Variants in GABRG3 observed in about 807,000 individuals in gnomAD.
GABRG3 encodes the protein gamma-aminobutyric acid type A receptor subunit gamma3, also known as gamma-aminobutyric acid receptor subunit gamma-3.
GABRG3 carries 25 observed loss-of-function variants against 48.8 expected under a neutral mutation model. The ratio of observed to expected loss-of-function variants is 0.51; its 90% CI spans 0.37 to 0.72. GABRG3 has a LOEUF of 0.72. GABRG3 is among the 30% of genes least tolerant of loss of function. The pLI is 0.00. For synonymous variants in GABRG3, 227 were observed against 217.6 expected, an observed-to-expected ratio of 1.04 and a Z score of -0.38; for missense variants, 394 against 577.9, an observed-to-expected ratio of 0.68 and a Z score of 3.26.
chr15:27,038,838 A>G (rs944126639), intron 3 of GABRG3, among the ~76,000 whole-genome samples: 50 of 152,148 alleles, frequency 3.3e-4, no homozygotes, highest in Non-Finnish European at 1.0e-4. Flanking sequence ...GAATGTCAGC[A>G]AAGAACTGTC....
At chr15:27,346,805 C>T (rs1450868308) in intron 5 of GABRG3, among the ~76,000 whole-genome samples, 1 of 152,096 alleles carries the variant, frequency 6.6e-6, no homozygotes, top group Non-Finnish European at 1.5e-5. Context: ...GTTTCCAGCT[C>T]TCTGTTTACA....
intron 3 of GABRG3, among the ~76,000 whole-genome samples, chr15:27,153,545 C>A (rs1048570483): frequency 6.6e-6 from 1 of 152,170 alleles, no homozygotes. Flanking sequence ...TTATACAATT[C>A]GTGTTAAACT....
chr15:27,286,995 C>A (rs371612688), intron 3 of GABRG3, among the ~76,000 whole-genome samples: 3 of 152,126 alleles, frequency 2.0e-5, no homozygotes, highest in African/African-American at 7.2e-5. Context: ...CTGTATGCTG[C>A]GGTTGTTAAG....
intron 3 of GABRG3, among the ~76,000 whole-genome samples, chr15:27,103,579 C>G (rs1332778234): frequency 6.6e-6 from 1 of 152,144 alleles, no homozygotes; most frequent in Non-Finnish European, 1.5e-5. Flanking sequence ...AAGAGAAAAG[C>G]AAAATTAACC....
At chr15:27,137,200 G>A (rs998452148) in intron 3 of GABRG3, among the ~76,000 whole-genome samples, 7 of 152,172 alleles carry the variant, frequency 4.6e-5, no homozygotes, top group Admixed American at 6.5e-5. Context: ...ACACTCCCAC[G>A]GTTAGTCTTT....
chr15:27,097,467 C>T (rs571653158), intron 3 of GABRG3, among the ~76,000 whole-genome samples: 1 of 152,086 alleles, frequency 6.6e-6, no homozygotes, highest in African/African-American at 2.4e-5. Context: ...CTCTCCTTCC[C>T]TCCTTCCCTC....
intron 6 of GABRG3, among the ~76,000 whole-genome samples, chr15:27,488,087 C>T (rs947851047): frequency 3.9e-5 from 6 of 152,178 alleles, no homozygotes; most frequent in African/African-American, 1.4e-4. Context: ...GACGCCTGAG[C>T]TGAAGCTCCT....
intron 5 of GABRG3, among the ~76,000 whole-genome samples, chr15:27,441,862 T>C (rs1888796872): frequency 6.6e-6 from 1 of 152,196 alleles, no homozygotes; most frequent in Non-Finnish European, 1.5e-5. Flanking sequence ...TGGCAACCAC[T>C]GGATTAAACA....
At chr15:27,048,617 G>A (rs1285191283) in intron 3 of GABRG3, among the ~76,000 whole-genome samples, 1 of 152,162 alleles carries the variant, frequency 6.6e-6, no homozygotes, top group Non-Finnish European at 1.5e-5. Context: ...GGAGCTAATA[G>A]CATCAAATCA....
Position 27,482,252 on chromosome 15 carries a change from C to T in GABRG3, c.712+1465C>T, listed in dbSNP as rs553802450. Reference sequence around the variant, plus strand: ...CCACATTCAATCTTTTGTATAATTACACTTGTAAGGAAAATGTCCTTTGGA... The same window carrying T: ...CCACATTCAATCTTTTGTATAATTATACTTGTAAGGAAAATGTCCTTTGGA... On this transcript the variant is annotated intron_variant, in intron 6 of 9. Coordinates refer to ENST00000615808, the MANE Select transcript of GABRG3 (RefSeq NM_033223.5). 8.5e-5 allele frequency among the ~76,000 whole-genome samples: 13 copies of T among 152,278 alleles called. No individual in the cohort carries two copies. The East Asian group carries it at 2.5e-3, about 29-fold the overall frequency.
chr15:26,985,562 T>C (rs543517383), intron 2 of GABRG3, among the ~76,000 whole-genome samples: 13 of 152,104 alleles, frequency 8.5e-5, no homozygotes, highest in Non-Finnish European at 1.6e-4. Context: ...GCCTTAGAAC[T>C]CTAGGCTGGA....
chr15:27,376,294 T>G (rs1895592383), intron 5 of GABRG3, among the ~76,000 whole-genome samples: 1 of 152,180 alleles, frequency 6.6e-6, no homozygotes, highest in African/African-American at 2.4e-5. Context: ...TGGCATTGAG[T>G]GTCTGTGGCT....
At chr15:27,064,023 C>T (rs939209872) in intron 3 of GABRG3, among the ~76,000 whole-genome samples, 68 of 152,214 alleles carry the variant, frequency 4.5e-4, no homozygotes, top group African/African-American at 1.6e-3. Context: ...AACCAAGCAA[C>T]TGTTTTTGGA....
intron 3 of GABRG3, among the ~76,000 whole-genome samples, chr15:27,221,535 C>T (rs978690701): frequency 6.6e-6 from 1 of 152,020 alleles, no homozygotes; most frequent in Non-Finnish European, 1.5e-5. Flanking sequence ...TAAAGTGATG[C>T]CATTCTCAAG....
intron 5 of GABRG3, among the ~76,000 whole-genome samples, chr15:27,478,711 C>T (rs1303112882): frequency 6.6e-6 from 1 of 152,162 alleles, no homozygotes; most frequent in Non-Finnish European, 1.5e-5. Context: ...CCCATAACAA[C>T]ATTCATAATC....
At chr15:27,244,862 T>G (rs915114225) in intron 3 of GABRG3, among the ~76,000 whole-genome samples, 1 of 152,248 alleles carries the variant, frequency 6.6e-6, no homozygotes, top group South Asian at 2.1e-4. Context: ...TTATTTTTCT[T>G]TTTAAATTAT....
At chr15:27,312,571 C>A (rs987602339) in intron 3 of GABRG3, among the ~76,000 whole-genome samples, 1 of 152,000 alleles carries the variant, frequency 6.6e-6, no homozygotes, top group South Asian at 2.1e-4. Flanking sequence ...ACAAGGACAC[C>A]CCCATAAAAC....
At chr15:27,216,215 C>A (rs967014213) in intron 3 of GABRG3, among the ~76,000 whole-genome samples, 12 of 152,178 alleles carry the variant, frequency 7.9e-5, no homozygotes, top group African/African-American at 2.4e-4. Flanking sequence ...GGGTGCAGGG[C>A]CCTCTGCAAA....
chr15:27,095,681 C>G (rs1224576605), intron 3 of GABRG3, among the ~76,000 whole-genome samples: 1 of 152,120 alleles, frequency 6.6e-6, no homozygotes, highest in Non-Finnish European at 1.5e-5. Context: ...TATTCTTTCA[C>G]TAAACTTAGG....
Sources: allele counts gnomAD v4.1 joint callset (sites outside exome capture counted in the v4.1 genomes callset), GRCh38; gene constraint gnomAD v4.1.1; transcripts MANE v1.5; gene names NCBI Gene and HGNC (gene_info 2026-07-23, HGNC 2026-07-21).